Variants in AGAP1 observed in about 807,000 individuals in gnomAD.
AGAP1 encodes the protein ArfGAP with GTPase domain, ankyrin repeat and PH domain 1.
In AGAP1, 29 loss-of-function variants were observed where a neutral mutation model predicts 105.3. That is an observed-to-expected ratio of 0.28 (90% CI 0.21 to 0.38). The LOEUF is 0.38. AGAP1 is among the 10% of genes least tolerant of loss of function. The pLI is 1.00. For missense variants in AGAP1, 998 were observed against 1,165.1 expected (o/e 0.86, Z 2.09); for synonymous variants, 509 against 485.9 (o/e 1.05, Z -0.63).
Position 235,993,982 on chromosome 2 carries a change from G to GT in AGAP1, c.1645+25368dup, listed in dbSNP as rs201778619. On this transcript the variant is annotated intron_variant, in intron 13 of 17. Coordinates refer to ENST00000304032, the MANE Select transcript of AGAP1 (RefSeq NM_001037131.3). The surrounding 1 kb of genome is among the most constrained non-coding windows in gnomAD (Gnocchi z 5.0). ...TGTCCTAGGAACACAGGTCCTAGGT[G>GT]TTTTTTTTTAGCTTGGGAAAGTTAC... 0.042 allele frequency among the ~76,000 whole-genome samples: 6,295 copies of GT among 151,244 alleles called. 248 individuals are homozygous for GT. The highest frequency in any genetic ancestry group is 0.11 in the South Asian group (513 of 4,750).
At chr2:235,758,792 G>A (rs545090002) in intron 6 of AGAP1, among the ~76,000 whole-genome samples, 5 of 150,610 alleles carry the variant, frequency 3.3e-5, no homozygotes, top group African/African-American at 1.0e-4. Context: ...CACGTAAGGC[G>A]TGTTGTTTTT....
Position 235,596,602 on chromosome 2 carries a change from G to C in AGAP1, c.163+101753G>C, listed in dbSNP as rs1945533262. On this transcript the variant is annotated intron_variant, in intron 1 of 17. Coordinates refer to ENST00000304032, the MANE Select transcript of AGAP1 (RefSeq NM_001037131.3). The surrounding 1 kb of genome is among the most constrained non-coding windows in gnomAD (Gnocchi z 5.9). ...TCCCGGGTTCCTGGTTGCAGGTGCT[G>C]TGTCATCGTATGGCTGTATTTGAGG... Among the ~76,000 whole-genome samples the C allele has an allele frequency of 6.6e-6, 1 of 152,190 alleles. No individual in the cohort carries two copies. The highest frequency in any genetic ancestry group is 2.1e-4 in the South Asian group (1 of 4,830).
intron 11 of AGAP1, among the ~76,000 whole-genome samples, chr2:235,909,844 A>G (rs2051490731): frequency 6.6e-6 from 1 of 152,110 alleles, no homozygotes; most frequent in African/African-American, 2.4e-5. Context: ...AACCTGGTGA[A>G]ACCCCGTCTC....
At chr2:235,948,302 C>G (rs2053585423) in intron 12 of AGAP1, among the ~76,000 whole-genome samples, 1 of 151,570 alleles carries the variant, frequency 6.6e-6, no homozygotes, top group South Asian at 2.1e-4. Context: ...CCCACCTCAG[C>G]CTCCGGAGAA....
chr2:235,982,961 T>A lies in AGAP1; in HGVS notation c.1645+14338T>A, dbSNP rs1000186074. 6.6e-6 allele frequency among the ~76,000 whole-genome samples: 1 copy of A among 152,208 alleles called. No individual in the cohort carries two copies. Among genetic ancestry groups the A allele is most frequent in the Non-Finnish European group, 1.5e-5 (1 of 68,042 alleles). On this transcript the variant is annotated intron_variant, in intron 13 of 17. Coordinates refer to ENST00000304032, the MANE Select transcript of AGAP1 (RefSeq NM_001037131.3). The surrounding 1 kb of genome is among the most constrained non-coding windows in gnomAD (Gnocchi z 4.9). ...ATTTATAGGCCAAATCCAGTTCTTA[T>A]TTTAATTTTTTTTCCCAACCCCTAA...
chr2:236,095,623 A>G lies in AGAP1; in HGVS notation c.2115-24569A>G, dbSNP rs2059173500. Among the ~76,000 whole-genome samples the G allele has an allele frequency of 6.6e-6, 1 of 152,266 alleles. No homozygotes were observed. The stretch of plus-strand genomic sequence containing the variant: ...CATGTTGGTAGATATTGACATAGGC[A>G]GTGCTTACAGTGTTGTGGTAATGTA... On this transcript the variant is annotated intron_variant, in intron 16 of 17. Transcript: ENST00000304032. The surrounding 1 kb of genome is among the most constrained non-coding windows in gnomAD (Gnocchi z 4.1).
intron 12 of AGAP1, among the ~76,000 whole-genome samples, chr2:235,932,643 AT>A (rs1190478927): frequency 6.6e-6 from 1 of 152,178 alleles, no homozygotes; most frequent in Non-Finnish European, 1.5e-5. Context: ...GGTGCCAATA[AT>A]ACAGGTGTTT....
rs1574958386 is a variant in AGAP1 at position 235,610,125 on chromosome 2, A to G, written c.164-99054A>G. 6.6e-6 allele frequency among the ~76,000 whole-genome samples: 1 copy of G among 152,054 alleles called. No homozygotes were observed. Among genetic ancestry groups the G allele is most frequent in the Admixed American group, 6.6e-5 (1 of 15,260 alleles). On this transcript the variant is annotated intron_variant, in intron 1 of 17. Transcript: ENST00000304032. This position sits in a 1 kb window ranked among gnomAD's most constrained non-coding sequence, Gnocchi z 4.9. Reference sequence around the variant, plus strand: ...CAGATATGGTGACAGGCTTGTCTCCACCATTGGAGTAAGCTCCAGCCCAGC... The same window carrying G: ...CAGATATGGTGACAGGCTTGTCTCCGCCATTGGAGTAAGCTCCAGCCCAGC...
chr2:235,825,861 G>A (rs1229245612), intron 9 of AGAP1, among the ~76,000 whole-genome samples: 1 of 152,182 alleles, frequency 6.6e-6, no homozygotes, highest in Non-Finnish European at 1.5e-5. Context: ...TTAAAAGAGT[G>A]TCATTGGATT....
In AGAP1 at chr2:236,082,877, C is replaced by A. The variant is rs547374674; in HGVS notation, c.2114+33596C>A. On this transcript the variant is annotated intron_variant, in intron 16 of 17. Coordinates refer to ENST00000304032, the MANE Select transcript of AGAP1 (RefSeq NM_001037131.3). This position sits in a 1 kb window ranked among gnomAD's most constrained non-coding sequence, Gnocchi z 4.2. ...AGGACAAGAGCAAAACTCCATCAGCCGGGCACAATGGCTCACGCCTGTAAT... is the reference window on the plus strand; with the variant it reads ...AGGACAAGAGCAAAACTCCATCAGCAGGGCACAATGGCTCACGCCTGTAAT... 3.3e-5 allele frequency among the ~76,000 whole-genome samples: 5 copies of A among 150,184 alleles called. No homozygotes were observed. In the South Asian group the frequency reaches 8.4e-4, roughly 25 times the overall value.
At chr2:236,013,363 G>A (rs2056583068) in intron 13 of AGAP1, among the ~76,000 whole-genome samples, 1 of 152,168 alleles carries the variant, frequency 6.6e-6, no homozygotes, top group Non-Finnish European at 1.5e-5. Flanking sequence ...AGAACTTGGT[G>A]CACACGCCGA....
intron 13 of AGAP1, among the ~76,000 whole-genome samples, chr2:235,998,376 A>G (rs2055906455): frequency 6.6e-6 from 1 of 152,208 alleles, no homozygotes; most frequent in African/African-American, 2.4e-5. Flanking sequence ...CCTTGACTCC[A>G]GGAACAGGAG....
chr2:235,871,606 A>C (rs2049443639), intron 9 of AGAP1, among the ~76,000 whole-genome samples: 1 of 152,210 alleles, frequency 6.6e-6, no homozygotes, highest in Non-Finnish European at 1.5e-5. Context: ...TTTTTGTTAC[A>C]GCAGTACAGG....
chr2:235,782,619 A>T (rs1956337753), intron 6 of AGAP1, among the ~76,000 whole-genome samples: 1 of 152,240 alleles, frequency 6.6e-6, no homozygotes, highest in African/African-American at 2.4e-5. Context: ...TTGCAAAAGC[A>T]TCACTAGAAA....
At chr2:235,943,916 T>C (rs934248005) in intron 12 of AGAP1, among the ~76,000 whole-genome samples, 1 of 152,208 alleles carries the variant, frequency 6.6e-6, no homozygotes, top group Non-Finnish European at 1.5e-5. Context: ...GGCTTTATTA[T>C]GTGACAGATA....
In AGAP1 at chr2:235,566,667, G is replaced by C; in HGVS notation, c.163+71818G>C. 1.1e-6 allele frequency: 1 copy of C among 923,264 alleles called. No individual in the cohort carries two copies. The highest frequency in any genetic ancestry group is 5.0e-5 in the South Asian group (1 of 20,114). The allele number at this position is 923,264 out of a possible 1,614,324, so 57.2% of individuals were successfully genotyped here. A position where few individuals can be genotyped will look rare whatever the true frequency, so the allele number is the denominator to read the frequency against. ...TTCCTCATGCCGCAGGACCAGCCGG[G>C]ACCGGGGAGAGGCTGTTCGAGGAAC... On this transcript the variant is annotated intron_variant, in intron 1 of 17. Coordinates refer to ENST00000304032, the MANE Select transcript of AGAP1 (RefSeq NM_001037131.3). This position sits in a 1 kb window ranked among gnomAD's most constrained non-coding sequence, Gnocchi z 5.2.
intron 1 of AGAP1, among the ~76,000 whole-genome samples, chr2:235,684,556 A>C (rs1275989528): frequency 1.3e-5 from 2 of 152,196 alleles, no homozygotes; most frequent in Non-Finnish European, 2.9e-5. Flanking sequence ...CTTTTGCAGC[A>C]ACTTCTGCAC....
rs562284766 is a variant in AGAP1 at position 235,534,827 on chromosome 2, A to G, written c.163+39978A>G. ...CCGTGCAGGCGTCAGCGCCTGGGGA[A>G]TAGTAGCAGTCTACATCTTTAGCTG... On this transcript the variant is annotated intron_variant, in intron 1 of 17. Transcript: ENST00000304032. Among the ~76,000 whole-genome samples the G allele has an allele frequency of 1.1e-4, 17 of 152,240 alleles. 1 individual carries two copies. Among genetic ancestry groups the G allele is most frequent in the African/African-American group, 3.8e-4 (16 of 41,572 alleles).
Position 236,061,136 on chromosome 2 carries a change from G to A in AGAP1, c.2114+11855G>A, listed in dbSNP as rs1559236921. Among the ~76,000 whole-genome samples, 1 of 152,220 alleles carries A rather than the reference G, an allele frequency of 6.6e-6. No homozygotes were observed. The highest frequency in any genetic ancestry group is 2.1e-4 in the South Asian group (1 of 4,818). Reference sequence around the variant, plus strand: ...CATTTCTCCAGAAAATATAAAAATGGCCAGTAAATACATGAAAAGATGCCT... The same window carrying A: ...CATTTCTCCAGAAAATATAAAAATGACCAGTAAATACATGAAAAGATGCCT... On this transcript the variant is annotated intron_variant, in intron 16 of 17. Transcript: ENST00000304032. The surrounding 1 kb of genome is among the most constrained non-coding windows in gnomAD (Gnocchi z 4.1).
Sources: gnomAD v4.1 joint callset for allele counts (sites outside exome capture counted in the v4.1 genomes callset) on GRCh38, gnomAD v4.1.1 for gene constraint, Gnocchi (gnomAD v3.1) non-coding constraint, MANE v1.5 for transcripts, NCBI Gene and HGNC (gene_info 2026-07-23, HGNC 2026-07-21) for gene names.